SNX13: variants seen among roughly 807,000 people sequenced by gnomAD.
The protein encoded by SNX13 is sorting nexin 13, also known as sorting nexin-13.
SNX13 carries 45 observed loss-of-function variants against 133.6 expected under a neutral mutation model. The ratio of observed to expected loss-of-function variants is 0.34; its 90% CI spans 0.27 to 0.43. The LOEUF is 0.43. Ranked by LOEUF, SNX13 falls within the 20% of genes least tolerant of loss-of-function variation. The pLI, the probability that SNX13 is intolerant of heterozygous loss-of-function variation, is 1.00. For synonymous variants in SNX13, 414 were observed against 373.9 expected, an observed-to-expected ratio of 1.11 and a Z score of -1.24; for missense variants, 1,032 against 1,145.1, an observed-to-expected ratio of 0.90 and a Z score of 1.43.
At chr7:17,819,892 AAC>A (rs61318514) in intron 18 of SNX13, among the ~76,000 whole-genome samples, 90,196 of 149,924 alleles carry the variant, frequency 0.6, 28,239 homozygotes, top group African/African-American at 0.79. Context: ...CTTTATAAGA[AAC>A]ACACACACAC....
At chr7:17,861,510 A>G (rs899798880) in intron 9 of SNX13, among the ~76,000 whole-genome samples, 1 of 152,152 alleles carries the variant, frequency 6.6e-6, no homozygotes, top group Non-Finnish European at 1.5e-5. Context: ...CCAAACAGAT[A>G]AAAACACTTG....
At chr7:17,863,066 A>C (rs186045369) in intron 9 of SNX13, among the ~76,000 whole-genome samples, 2 of 152,286 alleles carry the variant, frequency 1.3e-5, no homozygotes, top group Non-Finnish European at 2.9e-5. Flanking sequence ...CTCTGCTTTG[A>C]AACTGAGAAC....
intron 2 of SNX13, among the ~76,000 whole-genome samples, chr7:17,894,896 G>A (rs531958679): frequency 1.3e-5 from 2 of 152,272 alleles, no homozygotes; most frequent in East Asian, 1.9e-4. Context: ...AAAAGCAGGG[G>A]TTGGGGGTTG....
At chr7:17,812,736 G>C (rs947753499) in intron 20 of SNX13, among the ~76,000 whole-genome samples, 1 of 152,160 alleles carries the variant, frequency 6.6e-6, no homozygotes, top group Admixed American at 6.5e-5. Context: ...GAAAGACTTG[G>C]AACCAACTCA....
At chr7:17,830,687 T>C (rs955756251) in intron 15 of SNX13, 2 of 981,044 alleles carry the variant, frequency 2.0e-6, no homozygotes, top group South Asian at 9.4e-5. Flanking sequence ...TTAACATTAA[T>C]GTCAAACAAC....
chr7:17,911,827 T>C (rs1799018751), intron 1 of SNX13, among the ~76,000 whole-genome samples: 1 of 151,780 alleles, frequency 6.6e-6, no homozygotes, highest in African/African-American at 2.4e-5. Flanking sequence ...AATAAATAAG[T>C]AGATTTTTTT....
chr7:17,828,279 A>C (rs1373150985), intron 16 of SNX13, among the ~76,000 whole-genome samples: 1 of 151,830 alleles, frequency 6.6e-6, no homozygotes, highest in Non-Finnish European at 1.5e-5. Context: ...AATATATTAA[A>C]AGACAATTGT....
intron 1 of SNX13, among the ~76,000 whole-genome samples, chr7:17,910,370 C>T (rs1798832683): frequency 1.3e-5 from 2 of 152,142 alleles, no homozygotes; most frequent in South Asian, 4.1e-4. Flanking sequence ...ACCGAGAGTT[C>T]GTACCTCAAA....
chr7:17,798,908 A>AG, intron 23 of SNX13, 101 bp downstream of exon 23: 3 of 1,396,034 alleles, frequency 2.1e-6, no homozygotes, highest in Non-Finnish European at 2.9e-6. Context: ...AAAGGCCCAG[A>AG]GAAAAAAATT....
intron 5 of SNX13, chr7:17,882,948 C>A: frequency 1.6e-6 from 1 of 636,754 alleles, no homozygotes; most frequent in Non-Finnish European, 2.3e-6. Flanking sequence ...GAGACTCTGT[C>A]TCAAAAACAA....
At position 17,793,813 on chromosome 7, in the gene SNX13, T is replaced by C. The variant is rs1265914304; in HGVS notation, c.*232A>G. 2 of 410,970 alleles carry C rather than the reference T, an allele frequency of 4.9e-6. No homozygotes were observed. Among genetic ancestry groups the C allele is most frequent in the Non-Finnish European group, 8.5e-6 (2 of 235,966 alleles). The allele number at this position is 410,970 out of a possible 1,614,324, so 25.5% of individuals were successfully genotyped here. ...CTTGCTTGAGATGGGGGCAGTTTTC[T>C]CTCAATGTTGCAAAATATGCACCAA... On this transcript the variant is annotated 3_prime_UTR_variant, in exon 26 of 26. Transcript: ENST00000428135.
intron 18 of SNX13, among the ~76,000 whole-genome samples, chr7:17,817,758 C>T (rs1325887306): frequency 3.3e-5 from 5 of 151,970 alleles, no homozygotes; most frequent in Admixed American, 6.6e-5. Context: ...AAAAAATTTT[C>T]GAAGTAAATT....
chr7:17,832,590 T>G, intron 15 of SNX13: 1 of 527,196 alleles, frequency 1.9e-6, no homozygotes, highest in African/African-American at 2.1e-5. Flanking sequence ...CTATTGCAAA[T>G]TTCATAGCAT....
chr7:17,829,831 T>A (rs1172332034), intron 16 of SNX13, among the ~76,000 whole-genome samples, 179 bp downstream of exon 16: 1 of 151,320 alleles, frequency 6.6e-6, no homozygotes, highest in African/African-American at 2.4e-5. Context: ...ATTTTTAAGT[T>A]CTAATTCATA....
rs570563668 is a variant in SNX13, at chr7:17,875,647, T to C, written c.562+22A>G. 1.9e-6 allele frequency: 3 copies of C among 1,606,206 alleles called. No individual in the cohort carries two copies. The African/African-American group carries it at 4.0e-5, about 22-fold the overall frequency. ...AAAACAGATTTTCAAATCCTAGTTT[T>C]CAAATGGAATAAAGATATTACCTTT... On this transcript the variant is annotated intron_variant, in intron 6 of 25. Coordinates refer to ENST00000428135, the MANE Select transcript of SNX13 (RefSeq NM_015132.5).
intron 1 of SNX13, among the ~76,000 whole-genome samples, chr7:17,902,897 T>A (rs1392873080): frequency 1.3e-5 from 2 of 152,118 alleles, no homozygotes; most frequent in Non-Finnish European, 2.9e-5. Flanking sequence ...GAACTGTGCA[T>A]GTGAGGGCTC....
chr7:17,907,563 G>A (rs1165942660), intron 1 of SNX13, among the ~76,000 whole-genome samples: 2 of 152,060 alleles, frequency 1.3e-5, no homozygotes, highest in Admixed American at 6.6e-5. Flanking sequence ...ATCAGGAATC[G>A]GTGGAATTGC....
intron 8 of SNX13, among the ~76,000 whole-genome samples, chr7:17,873,134 TG>T (rs1264551345): frequency 5.9e-5 from 9 of 152,344 alleles, no homozygotes; most frequent in Middle Eastern, 6.8e-3. Context: ...CAGAGACTTC[TG>T]GGGGATTAGT....
At chr7:17,899,492 A>G (rs569360199) in intron 1 of SNX13, 1 of 151,770 alleles carries the variant, frequency 6.6e-6, no homozygotes, top group South Asian at 2.1e-4. Context: ...GTTGTGCCTC[A>G]TTCCTTTTTA....
Sources: allele counts gnomAD v4.1 joint callset (sites outside exome capture counted in the v4.1 genomes callset), GRCh38; gene constraint gnomAD v4.1.1; transcripts MANE v1.5; gene names NCBI Gene and HGNC (gene_info 2026-07-23, HGNC 2026-07-21).